KCNN2: variants seen among roughly 807,000 people sequenced by gnomAD.
KCNN2 encodes the protein small conductance calcium-activated potassium channel protein 2.
A neutral mutation model predicts 55.5 loss-of-function variants in KCNN2; 24 were observed. The observed-to-expected ratio is 0.43, with a 90% CI of 0.31 to 0.61. The LOEUF (loss-of-function observed/expected upper bound fraction) is 0.61, where lower values mean the gene tolerates loss of function less well. Ranked by LOEUF, KCNN2 falls within the 20% of genes least tolerant of loss-of-function variation. KCNN2 has a pLI of 0.08. For missense variants in KCNN2, 754 were observed against 853.6 expected, an observed-to-expected ratio of 0.88 and a Z score of 1.45; for synonymous variants, 431 against 336.1, an observed-to-expected ratio of 1.28 and a Z score of -3.09.
intron 1 of KCNN2, among the ~76,000 whole-genome samples, chr5:114,123,782 TTC>T (rs1263046180): frequency 6.6e-6 from 1 of 152,230 alleles, no homozygotes; most frequent in Non-Finnish European, 1.5e-5. Context: ...TCTGTTTTAT[TTC>T]TCTTACACTG....
chr5:114,412,297 A>G (rs931713799), intron 3 of KCNN2, among the ~76,000 whole-genome samples: 1 of 152,242 alleles, frequency 6.6e-6, no homozygotes, highest in African/African-American at 2.4e-5. Context: ...AGTTGTTTAC[A>G]TCTAGTAAAT....
At chr5:114,146,604 A>G (rs534148542) in intron 1 of KCNN2, among the ~76,000 whole-genome samples, 37 of 152,322 alleles carry the variant, frequency 2.4e-4, no homozygotes, top group Non-Finnish European at 4.7e-4. Flanking sequence ...AAGAAGGAAC[A>G]TGAGTAATAT....
At chr5:114,183,736 T>G (rs529092041) in intron 1 of KCNN2, among the ~76,000 whole-genome samples, 247 of 152,182 alleles carry the variant, frequency 1.6e-3, no homozygotes, top group African/African-American at 5.7e-3. Context: ...CCTTTTTTTT[T>G]TTCTTTTTAA....
At chr5:114,402,148 G>T (rs1395338310) in intron 2 of KCNN2, among the ~76,000 whole-genome samples, 1 of 152,194 alleles carries the variant, frequency 6.6e-6, no homozygotes, top group Non-Finnish European at 1.5e-5. Flanking sequence ...AGATCCTTAA[G>T]AGTGGCAGCA....
chr5:114,427,460 G>T (rs1759663490), intron 3 of KCNN2, among the ~76,000 whole-genome samples: 1 of 152,206 alleles, frequency 6.6e-6, no homozygotes, highest in African/African-American at 2.4e-5. Context: ...CCAAGTGGCT[G>T]TTTGGGTATT....
At chr5:114,386,722 T>C (rs1225423654) in intron 2 of KCNN2, among the ~76,000 whole-genome samples, 1 of 152,174 alleles carries the variant, frequency 6.6e-6, no homozygotes, top group Non-Finnish European at 1.5e-5. Context: ...TATGGAGGAA[T>C]ATAAGGAGGG....
intron 1 of KCNN2, among the ~76,000 whole-genome samples, chr5:114,064,166 C>T (rs2112514703): frequency 6.6e-6 from 1 of 152,300 alleles, no homozygotes; most frequent in Non-Finnish European, 1.5e-5. Context: ...CATGTAGACA[C>T]ATTTAGGAAC....
At chr5:114,284,137 A>C (rs550217000) in intron 2 of KCNN2, among the ~76,000 whole-genome samples, 1 of 152,334 alleles carries the variant, frequency 6.6e-6, no homozygotes, top group African/African-American at 2.4e-5. Flanking sequence ...TTATTCCCTG[A>C]ACAGGAGGGC....
At chr5:114,075,147 C>G (rs1249076716) in intron 1 of KCNN2, among the ~76,000 whole-genome samples, 1 of 152,144 alleles carries the variant, frequency 6.6e-6, no homozygotes, top group African/African-American at 2.4e-5. Flanking sequence ...TTGCCAAACA[C>G]AGATTGGAGA....
At chr5:114,192,255 A>G (rs1199811149) in intron 1 of KCNN2, among the ~76,000 whole-genome samples, 1 of 152,060 alleles carries the variant, frequency 6.6e-6, no homozygotes, top group Admixed American at 6.6e-5. Context: ...GTGACTTTTA[A>G]TGTTTTGGCT....
Position 114,149,614 on chromosome 5 carries a change from G to A in KCNN2, c.-270-71866G>A, listed in dbSNP as rs372005216. On this transcript the variant is annotated intron_variant, in intron 1 of 10. Transcript: ENST00000512097. ...GGTGAGATGGTCACATGGGAATGAA[G>A]TAATTCTTTAACATAACATCTGTAT... Among the ~76,000 whole-genome samples the A allele has an allele frequency of 2.8e-3, 433 of 152,196 alleles. 2 individuals are homozygous for A. Among genetic ancestry groups the A allele is most frequent in the African/African-American group, 1.0e-2 (413 of 41,486 alleles).
chr5:114,121,190 G>T (rs79564821), intron 1 of KCNN2, among the ~76,000 whole-genome samples: 276 of 152,314 alleles, frequency 1.8e-3, no homozygotes, highest in African/African-American at 6.4e-3. Flanking sequence ...CAGATATCCT[G>T]AGGACCTGTG....
At chr5:114,161,197 C>G (rs999441307) in intron 1 of KCNN2, among the ~76,000 whole-genome samples, 1 of 151,974 alleles carries the variant, frequency 6.6e-6, no homozygotes, top group Non-Finnish European at 1.5e-5. Context: ...TAGGGCAGGC[C>G]TGGTGGTGAC....
intron 2 of KCNN2, among the ~76,000 whole-genome samples, chr5:114,353,801 T>G (rs1430025874): frequency 6.6e-6 from 1 of 151,944 alleles, no homozygotes; most frequent in Non-Finnish European, 1.5e-5. Context: ...TGATGAGAAG[T>G]CAGTGGTTGA....
rs1171592812 is a variant in KCNN2, at chr5:114,288,811, T to A, written c.-185+67246T>A. ...CAAATATTTTCACGCATCCTGTAGGTTGTCTTTTCACCTTCTTAATAATGT... is the reference window on the plus strand; with the variant it reads ...CAAATATTTTCACGCATCCTGTAGGATGTCTTTTCACCTTCTTAATAATGT... On this transcript the variant is annotated intron_variant, in intron 2 of 10. Coordinates refer to the KCNN2 transcript ENST00000512097. Among the ~76,000 whole-genome samples the A allele has an allele frequency of 3.9e-5, 6 of 152,330 alleles. No homozygotes were observed. In the South Asian group the frequency reaches 1.2e-3, roughly 32 times the overall value.
intron 2 of KCNN2, among the ~76,000 whole-genome samples, chr5:114,225,210 T>G (rs1004689763): frequency 2.0e-5 from 3 of 152,178 alleles, no homozygotes; most frequent in Admixed American, 6.5e-5. Flanking sequence ...TGGTAGAAAT[T>G]TAAAGATCTC....
At chr5:114,335,967 C>T (rs1289249451) in intron 2 of KCNN2, among the ~76,000 whole-genome samples, 2 of 152,130 alleles carry the variant, frequency 1.3e-5, no homozygotes, top group African/African-American at 4.8e-5. Flanking sequence ...GGTTTTGATT[C>T]AAGTTATATT....
intron 1 of KCNN2, among the ~76,000 whole-genome samples, chr5:114,064,145 G>A (rs565026309): frequency 1.3e-4 from 20 of 152,298 alleles, no homozygotes; most frequent in Admixed American, 3.3e-4. Context: ...AAGATCCCCA[G>A]ATGATTCTAA....
chr5:114,260,769 G>A (rs900524984), intron 2 of KCNN2, among the ~76,000 whole-genome samples: 1 of 152,086 alleles, frequency 6.6e-6, no homozygotes, highest in African/African-American at 2.4e-5. Flanking sequence ...ATAGTCTAAA[G>A]TCTTCCCATA....
Sources: allele counts gnomAD v4.1 joint callset (sites outside exome capture counted in the v4.1 genomes callset), GRCh38; gene constraint gnomAD v4.1.1; transcripts MANE v1.5; gene names NCBI Gene and HGNC (gene_info 2026-07-23, HGNC 2026-07-21).